The following KCNQ1 variants were observed in gnomAD, a reference collection of about 807,000 sequenced individuals.
The protein encoded by KCNQ1 is potassium voltage-gated channel subfamily Q member 1.
Under a neutral mutation model 72.4 loss-of-function variants are expected in KCNQ1, and 49 were observed. The observed-to-expected ratio is 0.68, with a 90% CI of 0.54 to 0.86. The LOEUF is 0.86. Ranked by LOEUF, KCNQ1 falls within the 40% of genes least tolerant of loss-of-function variation. KCNQ1 has a pLI of 0.00. For missense variants in KCNQ1, 790 were observed against 945.1 expected (o/e 0.84, Z 2.15); for synonymous variants, 450 against 412.6 (o/e 1.09, Z -1.10).
In KCNQ1 at chr11:2,611,977, T is replaced by C. The variant is rs1848985371; in HGVS notation, c.1393+23123T>C. 2.5e-6 allele frequency: 1 copy of C among 398,544 alleles called. No individual in the cohort carries two copies. The highest frequency in any genetic ancestry group is 4.4e-6 in the Non-Finnish European group (1 of 226,074). The allele number at this position is 398,544 out of a possible 1,614,324, so 24.7% of individuals were successfully genotyped here. The stretch of plus-strand genomic sequence containing the variant: ...ATTTTTGTCTGCCCTATTCTCTCCT[T>C]CTCAGTACTCTTATTAACACATATG... On this transcript the variant is annotated intron_variant, in intron 10 of 15. Transcript: ENST00000155840. This position sits in a 1 kb window ranked among gnomAD's most constrained non-coding sequence, Gnocchi z 5.3.
chr11:2,517,079 C>T (rs992956323), intron 1 of KCNQ1, among the ~76,000 whole-genome samples: 11 of 152,218 alleles, frequency 7.2e-5, no homozygotes, highest in East Asian at 3.9e-4. Flanking sequence ...CTCCACGCTC[C>T]GCACTGAGGT....
chr11:2,751,993 C>A (rs1189545079), intron 11 of KCNQ1, among the ~76,000 whole-genome samples: 1 of 152,268 alleles, frequency 6.6e-6, no homozygotes, highest in Non-Finnish European at 1.5e-5. Flanking sequence ...TCTCGGTTGC[C>A]GCTGCCACCT....
intron 11 of KCNQ1, among the ~76,000 whole-genome samples, chr11:2,719,500 CAAAA>C (rs3216307): frequency 1.9e-4 from 28 of 144,414 alleles, no homozygotes; most frequent in East Asian, 1.6e-3. Context: ...AACAAACAAA[CAAAA>C]AAAAAAACCA....
intron 11 of KCNQ1, among the ~76,000 whole-genome samples, chr11:2,733,845 CTCTCTCTCTCT>C (rs1483763113): frequency 2.6e-5 from 1 of 38,688 alleles, no homozygotes; most frequent in African/African-American, 2.0e-4. Flanking sequence ...CTCTCTCTCT[CTCTCTCTCTCT>C]CCCCCCCCAC....
rs866186028 is a variant in KCNQ1 at position 2,486,056 on chromosome 11, C to T, written c.386+40572C>T. On this transcript the variant is annotated intron_variant, in intron 1 of 15. Coordinates refer to ENST00000155840, the MANE Select transcript of KCNQ1 (RefSeq NM_000218.3). This position sits in a 1 kb window ranked among gnomAD's most constrained non-coding sequence, Gnocchi z 5.0. ...TGCTTTCAATTCTTTTGGGTATATA[C>T]CCAGAAGTGGAATTTCTGGATTATA... Among the ~76,000 whole-genome samples the T allele has an allele frequency of 6.6e-6, 1 of 152,100 alleles. No homozygotes were observed. The highest frequency in any genetic ancestry group is 1.5e-5 in the Non-Finnish European group (1 of 68,024).
chr11:2,650,330 C>T, intron 10 of KCNQ1: 1 of 398,336 alleles, frequency 2.5e-6, no homozygotes, highest in South Asian at 1.3e-4. Context: ...TTTTTTCCCC[C>T]CAAGTTTTTT....
In KCNQ1 at chr11:2,752,613, CA is replaced by C. The variant is rs753728369; in HGVS notation, c.1515-16226del. 6.6e-6 allele frequency among the ~76,000 whole-genome samples: 1 copy of C among 152,016 alleles called. No homozygotes were observed. Among genetic ancestry groups the C allele is most frequent in the Non-Finnish European group, 1.5e-5 (1 of 67,994 alleles). On this transcript the variant is annotated intron_variant, in intron 11 of 15. Coordinates refer to ENST00000155840, the MANE Select transcript of KCNQ1 (RefSeq NM_000218.3). The surrounding 1 kb of genome is among the most constrained non-coding windows in gnomAD (Gnocchi z 5.2). ...CTGTGTCCTCACGTGGCAGAAGAGG[CA>C]AAAATAAGGTGCAAACAAGCTCCCT...
chr11:2,574,652 C>A (rs1315747373), intron 6 of KCNQ1, among the ~76,000 whole-genome samples: 2 of 152,216 alleles, frequency 1.3e-5, no homozygotes, highest in Non-Finnish European at 2.9e-5. Context: ...CGTGTCCCTG[C>A]GATTGCTGTG....
intron 11 of KCNQ1, among the ~76,000 whole-genome samples, chr11:2,747,196 G>C (rs908065817): frequency 3.9e-5 from 6 of 152,252 alleles, no homozygotes; most frequent in African/African-American, 1.4e-4. Context: ...GCTGTTGGAC[G>C]GGGATGAAGA....
rs1444815975 is a variant in KCNQ1, at chr11:2,481,635, C to T, written c.386+36151C>T. On this transcript the variant is annotated intron_variant, in intron 1 of 15. Transcript: ENST00000155840. The surrounding 1 kb of genome is among the most constrained non-coding windows in gnomAD (Gnocchi z 4.6). ...TCACTCCCCATCACTCGCATTACCG[C>T]GTGAGCTCTGCCTCCTATCAGATCA... Among the ~76,000 whole-genome samples, 4 of 152,216 alleles carry T rather than the reference C, an allele frequency of 2.6e-5. No individual in the cohort carries two copies. Among genetic ancestry groups the T allele is most frequent in the African/African-American group, 9.6e-5 (4 of 41,454 alleles).
chr11:2,642,259 G>GT lies in KCNQ1; in HGVS notation c.1394-19696dup, dbSNP rs558895975. 63 of 398,184 alleles carry GT rather than the reference G, an allele frequency of 1.6e-4. No homozygotes were observed. The highest frequency in any genetic ancestry group is 2.5e-4 in the Non-Finnish European group (57 of 225,892). 24.7% of individuals were successfully genotyped at this position (398,184 alleles called of 1,614,324 possible). A position where few individuals can be genotyped will look rare whatever the true frequency, so the allele number is the denominator to read the frequency against. The stretch of plus-strand genomic sequence containing the variant: ...TTCTCCCAATCCATGAGAATGGGAT[G>GT]TTTTTTGTGTGTTCTTTTCAATTTC... On this transcript the variant is annotated intron_variant, in intron 10 of 15. Transcript: ENST00000155840. This position sits in a 1 kb window ranked among gnomAD's most constrained non-coding sequence, Gnocchi z 4.3.
At chr11:2,717,559 G>C (rs1023167839) in intron 11 of KCNQ1, among the ~76,000 whole-genome samples, 4 of 152,206 alleles carry the variant, frequency 2.6e-5, no homozygotes, top group African/African-American at 9.6e-5. Flanking sequence ...GCTTAGGATG[G>C]GTGAGGGAGA....
chr11:2,800,246 C>G (rs568647954), intron 15 of KCNQ1, among the ~76,000 whole-genome samples: 1 of 152,344 alleles, frequency 6.6e-6, no homozygotes, highest in Admixed American at 6.5e-5. Context: ...ATCCCAGTGG[C>G]CTGAGGGTGT....
chr11:2,570,903 C>A, intron 3 of KCNQ1, 149 bp downstream of exon 3: 1 of 1,084,698 alleles, frequency 9.2e-7, no homozygotes, highest in Non-Finnish European at 1.4e-6. Flanking sequence ...AGCACAGGAG[C>A]ATTGGCAGCC....
rs913375142 is a variant in KCNQ1, at chr11:2,579,145, G to A, written c.922-4290G>A. 6.6e-6 allele frequency among the ~76,000 whole-genome samples: 1 copy of A among 152,200 alleles called. No homozygotes were observed. The highest frequency in any genetic ancestry group is 1.5e-5 in the Non-Finnish European group (1 of 68,036). ...CTCTGGGAGCCAGGGCTTGGCATGC[G>A]GCTGGAGCTCAGGTTTCTGGGCTGG... On this transcript the variant is annotated intron_variant, in intron 6 of 15. Transcript: ENST00000155840. This position sits in a 1 kb window ranked among gnomAD's most constrained non-coding sequence, Gnocchi z 6.0.
intron 2 of KCNQ1, among the ~76,000 whole-genome samples, chr11:2,558,541 C>A (rs1795827245): frequency 6.6e-6 from 1 of 152,200 alleles, no homozygotes; most frequent in Non-Finnish European, 1.5e-5. Flanking sequence ...CCTCTCCCAC[C>A]CCAGGCAGGT....
intron 10 of KCNQ1, chr11:2,633,984 G>A (rs907851042): frequency 1.5e-5 from 6 of 398,394 alleles, no homozygotes; most frequent in African/African-American, 6.2e-5. Context: ...CTATGTTGTT[G>A]AAGAGTCGAC....
Position 2,815,463 on chromosome 11 carries a change from G to C in KCNQ1, c.1795-32304G>C, listed in dbSNP as rs1292141727. On this transcript the variant is annotated intron_variant, in intron 15 of 15. Transcript: ENST00000155840. This position sits in a 1 kb window ranked among gnomAD's most constrained non-coding sequence, Gnocchi z 5.4. ...CTCCTGGCCCTGTGGGGTCGGAGGAGGTCCTGGGAGCCCACCTCCTGTAGA... is the reference window on the plus strand; with the variant it reads ...CTCCTGGCCCTGTGGGGTCGGAGGACGTCCTGGGAGCCCACCTCCTGTAGA... 1.3e-5 allele frequency among the ~76,000 whole-genome samples: 2 copies of C among 152,154 alleles called. No homozygotes were observed. The highest frequency in any genetic ancestry group is 3.9e-4 in the East Asian group (2 of 5,186).
Position 2,746,556 on chromosome 11 carries a change from G to A in KCNQ1, c.1515-22288G>A, listed in dbSNP as rs1846141257. 6.6e-6 allele frequency among the ~76,000 whole-genome samples: 1 copy of A among 152,212 alleles called. No homozygotes were observed. The highest frequency in any genetic ancestry group is 1.9e-4 in the East Asian group (1 of 5,200). ...CGGTTCAGAGGAGGACAGGTCAGGT[G>A]TTTGTAGGGTGTCCCTTACTAGGAT... On this transcript the variant is annotated intron_variant, in intron 11 of 15. Transcript: ENST00000155840. This position sits in a 1 kb window ranked among gnomAD's most constrained non-coding sequence, Gnocchi z 5.9.
Sources: allele counts gnomAD v4.1 joint callset (sites outside exome capture counted in the v4.1 genomes callset), GRCh38; gene constraint gnomAD v4.1.1; non-coding constraint Gnocchi (gnomAD v3.1); transcripts MANE v1.5; gene names NCBI Gene and HGNC (gene_info 2026-07-23, HGNC 2026-07-21).